The following TMEM131L variants were observed in gnomAD, a reference collection of about 807,000 sequenced individuals.
TMEM131L encodes the protein transmembrane protein 131-like.
Under a neutral mutation model 192.2 loss-of-function variants are expected in TMEM131L, and 54 were observed. That is an observed-to-expected ratio of 0.28 (90% CI 0.23 to 0.35). The LOEUF is 0.35. Among genes scored for constraint, TMEM131L ranks in the 10% least tolerant of loss-of-function variants. The pLI is 1.00. For missense variants in TMEM131L, 1,888 were observed against 1,972.9 expected (o/e 0.96, Z 0.82); for synonymous variants, 701 against 704.9 (o/e 0.99, Z 0.09).
At chr4:153,576,726 G>T (rs998052209) in intron 7 of TMEM131L, among the ~76,000 whole-genome samples, 1 of 149,964 alleles carries the variant, frequency 6.7e-6, no homozygotes, top group Non-Finnish European at 1.5e-5. Context: ...GTGTTAATAT[G>T]ATTTTTTTCT....
chr4:153,596,449 A>G (rs1459086271), intron 20 of TMEM131L, 64 bp downstream of exon 20: 14 of 1,580,832 alleles, frequency 8.9e-6, no homozygotes, highest in Non-Finnish European at 1.0e-5. Context: ...AAATCTCTTT[A>G]GCTGATAGTT....
intron 3 of TMEM131L, among the ~76,000 whole-genome samples, chr4:153,541,811 T>G (rs767470989): frequency 1.4e-4 from 21 of 152,202 alleles, no homozygotes; most frequent in Non-Finnish European, 2.9e-4. Context: ...GCCAAAAATA[T>G]TCCATGGAAA....
chr4:153,618,960 C>T (rs1733192941), intron 26 of TMEM131L, among the ~76,000 whole-genome samples: 1 of 152,216 alleles, frequency 6.6e-6, no homozygotes. Context: ...CCCTGCCACT[C>T]TTTCTGGGAT....
In TMEM131L at chr4:153,592,541, T is replaced by C; in HGVS notation, c.1879T>C (p.Leu627=). 1 of 1,614,166 alleles carries C rather than the reference T, an allele frequency of 6.2e-7. No homozygotes were observed. Among genetic ancestry groups the C allele is most frequent in the Non-Finnish European group, 8.5e-7 (1 of 1,179,988 alleles). The stretch of plus-strand genomic sequence containing the variant: ...CTCCTTGCAGCTCCTGCCTCTCTCC[T>C]TGTACCCTAAACCCGAAGCCCTAGT... ...PVSLQLLPLS[L]YPKPEALVHL... The change falls in exon 18 of 35, where the codon TTG becomes CTG. Residue 627 remains leucine, a synonymous_variant. Coordinates refer to ENST00000409959, the MANE Select transcript of TMEM131L (RefSeq NM_001131007.2).
chr4:153,596,096 T>C (rs1731417664), intron 19 of TMEM131L, among the ~76,000 whole-genome samples, 162 bp from the exon 20 acceptor site: 1 of 152,240 alleles, frequency 6.6e-6, no homozygotes, highest in South Asian at 2.1e-4. Context: ...AGCTGTTTAT[T>C]GGAGTGAACT....
intron 3 of TMEM131L, among the ~76,000 whole-genome samples, chr4:153,516,678 A>G (rs1266230176): frequency 1.3e-5 from 2 of 152,188 alleles, no homozygotes; most frequent in South Asian, 2.1e-4. Flanking sequence ...GCATGCTTCA[A>G]GGCCTTTGAA....
intron 9 of TMEM131L, among the ~76,000 whole-genome samples, chr4:153,581,778 T>G (rs1561211804): frequency 6.9e-6 from 1 of 144,620 alleles, no homozygotes; most frequent in Non-Finnish European, 1.5e-5. Context: ...CTGAGTTTCC[T>G]TAGGAATAAT....
chr4:153,509,373 AAAAAG>A (rs1356131370), intron 3 of TMEM131L, among the ~76,000 whole-genome samples: 41 of 152,000 alleles, frequency 2.7e-4, no homozygotes, highest in African/African-American at 9.9e-4. Flanking sequence ...CTCAAAAAAA[AAAAAG>A]AAAGAAAAAG....
chr4:153,619,869 G>A (rs1368647456), intron 26 of TMEM131L, among the ~76,000 whole-genome samples: 1 of 152,110 alleles, frequency 6.6e-6, no homozygotes, highest in Non-Finnish European at 1.5e-5. Context: ...TGGATCTAGG[G>A]AATTTGCCTC....
At chr4:153,467,073 C>T (rs967645711) in intron 1 of TMEM131L, 138 bp from the exon 2 acceptor site, 5 of 838,306 alleles carry the variant, frequency 6.0e-6, no homozygotes, top group African/African-American at 3.4e-5. Context: ...TGGCTCGCCC[C>T]TGGGATGGCC....
At chr4:153,503,103 CA>C (rs1322548738) in intron 3 of TMEM131L, among the ~76,000 whole-genome samples, 1 of 152,070 alleles carries the variant, frequency 6.6e-6, no homozygotes, top group Non-Finnish European at 1.5e-5. Flanking sequence ...TACATTAAAA[CA>C]AAGATATAAT....
rs1734305672 is a variant in TMEM131L at position 153,632,823 on chromosome 4, C to T, written c.4313C>T (p.Ala1438Val). The T allele has an allele frequency of 6.2e-7, 1 of 1,614,066 alleles. No homozygotes were observed. Among genetic ancestry groups the T allele is most frequent in the Non-Finnish European group, 8.5e-7 (1 of 1,179,990 alleles). Reference sequence around the variant, plus strand: ...GTGCCTTGTGTGATTCAGGAGTCGGCCCCGGTTCATAATAGGTACAGCTTC... The same window carrying T: ...GTGCCTTGTGTGATTCAGGAGTCGGTCCCGGTTCATAATAGGTACAGCTTC... ...NGVPCVIQES[A>V]PVHNSFIDWS... is the part of the protein sequence containing the mutation. Residue 1438 changes from alanine to valine, a missense_variant, in exon 32 of 35, where the codon GCC becomes GTC. Transcript: ENST00000409959.
At chr4:153,634,930 C>G (rs1014236151) in intron 33 of TMEM131L, among the ~76,000 whole-genome samples, 21 of 152,170 alleles carry the variant, frequency 1.4e-4, no homozygotes, top group African/African-American at 5.1e-4. Flanking sequence ...ACATGCATTG[C>G]TCCATGCTAA....
intron 3 of TMEM131L, among the ~76,000 whole-genome samples, chr4:153,521,355 T>A (rs1735099367): frequency 6.6e-6 from 1 of 152,182 alleles, no homozygotes; most frequent in African/African-American, 2.4e-5. Flanking sequence ...GCGTGTCTCC[T>A]CTTGATGTTC....
chr4:153,484,490 A>C (rs568846602), intron 3 of TMEM131L, among the ~76,000 whole-genome samples: 1 of 149,466 alleles, frequency 6.7e-6, no homozygotes, highest in East Asian at 2.0e-4. Context: ...TTTTTTTGAG[A>C]CAGAGTCTCG....
At chr4:153,564,963 G>A (rs1578755881) in intron 7 of TMEM131L, among the ~76,000 whole-genome samples, 2 of 152,122 alleles carry the variant, frequency 1.3e-5, no homozygotes, top group South Asian at 2.1e-4. Context: ...CCCGGAACAT[G>A]CCATCCCTTT....
chr4:153,559,188 A>G (rs1218960445), intron 7 of TMEM131L, among the ~76,000 whole-genome samples: 1 of 152,190 alleles, frequency 6.6e-6, no homozygotes, highest in African/African-American at 2.4e-5. Context: ...CCTACATTCC[A>G]GTTGGGGAGA....
intron 3 of TMEM131L, among the ~76,000 whole-genome samples, chr4:153,544,811 T>C (rs1007478318): frequency 1.3e-5 from 2 of 152,182 alleles, no homozygotes; most frequent in Admixed American, 6.5e-5. Context: ...TATGAGGCAG[T>C]CCAGCCTCCT....
intron 3 of TMEM131L, among the ~76,000 whole-genome samples, chr4:153,517,791 T>A (rs750975458): frequency 2.0e-5 from 3 of 152,318 alleles, no homozygotes; most frequent in Non-Finnish European, 4.4e-5. Flanking sequence ...ATTAACAAGA[T>A]GAAATACCTA....
Sources: gnomAD v4.1 joint callset for allele counts (sites outside exome capture counted in the v4.1 genomes callset) on GRCh38, gnomAD v4.1.1 for gene constraint, MANE v1.5 for transcripts, NCBI Gene and HGNC (gene_info 2026-07-23, HGNC 2026-07-21) for gene names.